PLA2G4A: variants seen among roughly 807,000 people sequenced by gnomAD.
The protein encoded by PLA2G4A is cytosolic phospholipase A2.
A neutral mutation model predicts 81.9 loss-of-function variants in PLA2G4A; 40 were observed. The ratio of observed to expected loss-of-function variants is 0.49; its 90% CI spans 0.38 to 0.64. The LOEUF (loss-of-function observed/expected upper bound fraction) is 0.64, where lower values mean the gene tolerates loss of function less well. PLA2G4A is among the 30% of genes least tolerant of loss of function. The pLI, the probability that PLA2G4A is intolerant of heterozygous loss-of-function variation, is 0.00. For synonymous variants in PLA2G4A, 302 were observed against 296.9 expected, an observed-to-expected ratio of 1.02 and a Z score of -0.18; for missense variants, 715 against 905.1, an observed-to-expected ratio of 0.79 and a Z score of 2.69.
chr1:186,873,078 A>G (rs1653341425), intron 3 of PLA2G4A, among the ~76,000 whole-genome samples: 1 of 152,100 alleles, frequency 6.6e-6, no homozygotes. Context: ...AGTGCACAAG[A>G]GTCGGGAAGA....
intron 2 of PLA2G4A, among the ~76,000 whole-genome samples, chr1:186,865,723 T>C (rs1653003018): frequency 6.6e-6 from 1 of 152,238 alleles, no homozygotes; most frequent in Non-Finnish European, 1.5e-5. Context: ...TCTTGTCTTA[T>C]AACAGTAGAG....
rs990350064 is a variant in PLA2G4A, at chr1:186,872,520, C to CT, written c.115+2012dup. Among the ~76,000 whole-genome samples the CT allele has an allele frequency of 1.4e-3, 215 of 151,862 alleles. 1 individual carries two copies. Among genetic ancestry groups the CT allele is most frequent in the African/African-American group, 3.7e-3 (154 of 41,452 alleles). On this transcript the variant is annotated intron_variant, in intron 3 of 17. Coordinates refer to ENST00000367466, the MANE Select transcript of PLA2G4A (RefSeq NM_024420.3). ...TAAAGCAGCAGCAATCCCCCCACCC[C>CT]TTTTTTTTAATCAATGAAGCGTTCT...
intron 1 of PLA2G4A, among the ~76,000 whole-genome samples, chr1:186,843,572 T>C (rs1571326575): frequency 6.6e-6 from 1 of 152,136 alleles, no homozygotes; most frequent in Admixed American, 6.5e-5. Context: ...TACAATATTG[T>C]GATAAGAGAT....
chr1:186,944,655 G>T (rs1656274054), intron 10 of PLA2G4A, among the ~76,000 whole-genome samples: 1 of 152,256 alleles, frequency 6.6e-6, no homozygotes, highest in South Asian at 2.1e-4. Context: ...CTTCCTTCAT[G>T]AAAGGAAGGT....
chr1:186,892,913 G>T (rs1654197185), intron 3 of PLA2G4A, 98 bp from the exon 4 acceptor site: 1 of 853,628 alleles, frequency 1.2e-6, no homozygotes, highest in Non-Finnish European at 2.0e-6. Context: ...CATCACTACA[G>T]ATTCATTGAG....
At chr1:186,887,263 C>T (rs1401032567) in intron 3 of PLA2G4A, among the ~76,000 whole-genome samples, 3 of 151,896 alleles carry the variant, frequency 2.0e-5, no homozygotes, top group Admixed American at 2.0e-4. Context: ...TAAGTTGCTA[C>T]TGATGAAGGG....
intron 15 of PLA2G4A, among the ~76,000 whole-genome samples, chr1:186,974,626 G>A (rs759627105): frequency 2.6e-5 from 4 of 152,198 alleles, no homozygotes; most frequent in Non-Finnish European, 5.9e-5. Context: ...ATGGAAGTGT[G>A]AAGTATCTGA....
intron 2 of PLA2G4A, among the ~76,000 whole-genome samples, chr1:186,868,912 C>A (rs1465376745): frequency 6.6e-6 from 1 of 150,614 alleles, no homozygotes; most frequent in Non-Finnish European, 1.5e-5. Context: ...TTTGTTCTCT[C>A]TCTCTCATCC....
chr1:186,834,325 G>C (rs979031455), intron 1 of PLA2G4A, among the ~76,000 whole-genome samples: 6 of 151,736 alleles, frequency 4.0e-5, no homozygotes, highest in Non-Finnish European at 7.4e-5. Flanking sequence ...TAGCAGTACA[G>C]GTATGACTAT....
chr1:186,931,960 T>C (rs1439951931), intron 7 of PLA2G4A, among the ~76,000 whole-genome samples: 1 of 152,174 alleles, frequency 6.6e-6, no homozygotes, highest in African/African-American at 2.4e-5. Flanking sequence ...GGTCACCAGA[T>C]GTTAAAGATG....
In PLA2G4A at chr1:186,965,288, C is replaced by T. The variant is rs187702975; in HGVS notation, c.1580-121C>T. ...TGGTTTCATGCCCAGCTCTATTTGT[C>T]TCCAAAGCCTGAGGGCCTAATCATA... On this transcript the variant is annotated intron_variant, in intron 14 of 17. Transcript: ENST00000367466. 4.0e-6 allele frequency: 3 copies of T among 745,252 alleles called. No individual in the cohort carries two copies. The East Asian group carries it at 8.0e-5, about 20-fold the overall frequency. The allele number at this position is 745,252 out of a possible 1,614,324, so 46.2% of individuals were successfully genotyped here.
chr1:186,964,980 T>C (rs1657082529), intron 14 of PLA2G4A, among the ~76,000 whole-genome samples: 1 of 152,212 alleles, frequency 6.6e-6, no homozygotes, highest in Non-Finnish European at 1.5e-5. Flanking sequence ...CTTCATTGGC[T>C]TCACCCTCCA....
intron 3 of PLA2G4A, among the ~76,000 whole-genome samples, chr1:186,875,730 G>A (rs1558389770): frequency 6.6e-6 from 1 of 151,994 alleles, no homozygotes; most frequent in Non-Finnish European, 1.5e-5. Flanking sequence ...CCCAGGCAGC[G>A]TCACTCTAGG....
intron 14 of PLA2G4A, among the ~76,000 whole-genome samples, chr1:186,958,177 C>T (rs1656822997): frequency 6.6e-6 from 1 of 152,098 alleles, no homozygotes; most frequent in Admixed American, 6.6e-5. Context: ...TTTATGGCAT[C>T]AAACTCTAGG....
At chr1:186,899,307 A>G (rs1243954200) in intron 5 of PLA2G4A, among the ~76,000 whole-genome samples, 1 of 152,148 alleles carries the variant, frequency 6.6e-6, no homozygotes, top group Non-Finnish European at 1.5e-5. Flanking sequence ...TGGAGCACAA[A>G]GAAAGACTGG....
chr1:186,909,188 A>G (rs1654851389), intron 6 of PLA2G4A, among the ~76,000 whole-genome samples: 1 of 149,852 alleles, frequency 6.7e-6, no homozygotes, highest in Admixed American at 6.6e-5. Context: ...GTTAGCTAGG[A>G]TGGTCTCGAT....
At chr1:186,870,333 A>G in intron 2 of PLA2G4A, 102 bp from the exon 3 acceptor site, 1 of 740,912 alleles carries the variant, frequency 1.3e-6, no homozygotes, top group South Asian at 1.5e-5. Flanking sequence ...TCTGGTATGC[A>G]TGCTACTTGT....
At chr1:186,905,933 T>A (rs1019197494) in intron 5 of PLA2G4A, among the ~76,000 whole-genome samples, 1 of 152,220 alleles carries the variant, frequency 6.6e-6, no homozygotes, top group Non-Finnish European at 1.5e-5. Flanking sequence ...TTTGGAAACC[T>A]CCTTCTAGTC....
chr1:186,946,451 G>GC (rs1656348961), intron 10 of PLA2G4A, among the ~76,000 whole-genome samples, 186 bp from the exon 11 acceptor site: 1 of 80,490 alleles, frequency 1.2e-5, no homozygotes, highest in South Asian at 4.2e-4. Flanking sequence ...TCACCTCTAA[G>GC]CGTTTTTCCC....
Sources: gnomAD v4.1 joint callset for allele counts (sites outside exome capture counted in the v4.1 genomes callset) on GRCh38, gnomAD v4.1.1 for gene constraint, MANE v1.5 for transcripts, NCBI Gene and HGNC (gene_info 2026-07-23, HGNC 2026-07-21) for gene names.